SOX5: variants seen among roughly 807,000 people sequenced by gnomAD.
The protein encoded by SOX5 is SRY-box transcription factor 5, also known as transcription factor SOX-5.
Under a neutral mutation model 92.0 loss-of-function variants are expected in SOX5, and 9 were observed. The observed-to-expected ratio is 0.10, with a 90% CI of 0.06 to 0.17. The LOEUF is 0.17. SOX5 is among the 10% of genes least tolerant of loss of function. The probability of loss-of-function intolerance (pLI) is 1.00; values close to 1 mark genes in which losing one functional copy is unlikely to be tolerated. For synonymous variants in SOX5, 344 were observed against 336.3 expected (o/e 1.02, Z -0.25); for missense variants, 642 against 944.5 (o/e 0.68, Z 4.20).
intron 4 of SOX5, among the ~76,000 whole-genome samples, chr12:24,112,591 C>T (rs1947499969): frequency 7.6e-6 from 1 of 132,322 alleles, no homozygotes; most frequent in South Asian, 2.5e-4. Flanking sequence ...AATGCAGTGG[C>T]ATAATCACGG....
intron 9 of SOX5, among the ~76,000 whole-genome samples, chr12:23,581,921 AT>A (rs1375885211): frequency 1.3e-5 from 2 of 151,928 alleles, no homozygotes; most frequent in South Asian, 4.2e-4. Context: ...TATAAATAAA[AT>A]TTCAGGCTTC....
At chr12:23,663,554 G>A (rs1031065045) in intron 7 of SOX5, among the ~76,000 whole-genome samples, 1 of 151,922 alleles carries the variant, frequency 6.6e-6, no homozygotes, top group Non-Finnish European at 1.5e-5. Flanking sequence ...AAACTTTTTT[G>A]TTTTATTGAA....
At chr12:23,881,816 TAA>T (rs1045506934) in intron 2 of SOX5, among the ~76,000 whole-genome samples, 1 of 152,126 alleles carries the variant, frequency 6.6e-6, no homozygotes, top group Admixed American at 6.5e-5. Flanking sequence ...TTTGGATTTT[TAA>T]AAGTGTCATC....
At chr12:24,003,985 T>C (rs944745611) in intron 4 of SOX5, among the ~76,000 whole-genome samples, 1 of 152,046 alleles carries the variant, frequency 6.6e-6, no homozygotes, top group Non-Finnish European at 1.5e-5. Context: ...AATCCTACCA[T>C]CAACCCTTAC....
chr12:23,921,468 G>A (rs954421401), intron 1 of SOX5, among the ~76,000 whole-genome samples: 3 of 151,954 alleles, frequency 2.0e-5, no homozygotes, highest in Non-Finnish European at 4.4e-5. Context: ...GTATTCCAAT[G>A]TTGGGGTCTC....
At chr12:24,522,415 T>A (rs964341740) in intron 1 of SOX5, among the ~76,000 whole-genome samples, 6 of 152,106 alleles carry the variant, frequency 3.9e-5, no homozygotes, top group African/African-American at 1.2e-4. Context: ...ATATAATTTA[T>A]TTCATAAGGC....
intron 6 of SOX5, among the ~76,000 whole-genome samples, chr12:23,669,584 G>C (rs2084407025): frequency 6.6e-6 from 1 of 151,632 alleles, no homozygotes; most frequent in African/African-American, 2.4e-5. Context: ...AGACCAAGTG[G>C]GAAGTTAATA....
intron 1 of SOX5, among the ~76,000 whole-genome samples, chr12:24,497,050 C>G (rs1001715834): frequency 2.0e-5 from 3 of 152,168 alleles, no homozygotes; most frequent in Non-Finnish European, 4.4e-5. Flanking sequence ...AACAAAGACA[C>G]TGAATGATGA....
At chr12:23,672,365 C>A (rs550143504) in intron 6 of SOX5, among the ~76,000 whole-genome samples, 4 of 152,270 alleles carry the variant, frequency 2.6e-5, no homozygotes, top group Admixed American at 2.6e-4. Flanking sequence ...AACAGACCTA[C>A]AAGGAAAATT....
chr12:23,919,967 T>A (rs182383491), intron 1 of SOX5: 1 of 152,316 alleles, frequency 6.6e-6, no homozygotes, highest in Admixed American at 6.5e-5. Flanking sequence ...TTTATTATAT[T>A]TGACACTGAA....
intron 3 of SOX5, among the ~76,000 whole-genome samples, chr12:23,769,290 G>T (rs2094844052): frequency 6.6e-6 from 1 of 151,728 alleles, no homozygotes; most frequent in Non-Finnish European, 1.5e-5. Context: ...ACATATTTTG[G>T]CCTTTCTGTT....
intron 1 of SOX5, among the ~76,000 whole-genome samples, chr12:23,916,028 T>C (rs1275308094): frequency 1.3e-5 from 2 of 152,094 alleles, no homozygotes; most frequent in African/African-American, 4.8e-5. Flanking sequence ...CTGAGGACCA[T>C]GAGGTTAAAC....
intron 2 of SOX5, among the ~76,000 whole-genome samples, chr12:23,879,615 G>T (rs2096965296): frequency 6.6e-6 from 1 of 152,172 alleles, no homozygotes; most frequent in Admixed American, 6.6e-5. Flanking sequence ...TTAAATTAAT[G>T]TATGTTTTCT....
intron 1 of SOX5, among the ~76,000 whole-genome samples, chr12:24,519,212 A>C (rs1950059456): frequency 6.6e-6 from 1 of 152,008 alleles, no homozygotes; most frequent in Non-Finnish European, 1.5e-5. Context: ...TCATTCATTC[A>C]CTCAAAAATA....
intron 6 of SOX5, among the ~76,000 whole-genome samples, chr12:23,719,852 A>G (rs1045515364): frequency 6.7e-6 from 1 of 150,234 alleles, no homozygotes; most frequent in African/African-American, 2.4e-5. Context: ...ATTTCTCCTA[A>G]ATTCTCAGAG....
At chr12:24,440,594 TTGTGTGTGTGTGTGTGTGTGTGTGTG>T (rs56082162) in intron 1 of SOX5, among the ~76,000 whole-genome samples, 1 of 139,632 alleles carries the variant, frequency 7.2e-6, no homozygotes, top group Non-Finnish European at 1.5e-5. Context: ...ACATGATCCT[TTGTGTGTGTGTGTGTGTGTGTGTGTG>T]TGTGTGTGTG....
intron 4 of SOX5, among the ~76,000 whole-genome samples, chr12:23,987,503 T>C (rs1207421810): frequency 1.3e-5 from 2 of 151,988 alleles, no homozygotes; most frequent in Non-Finnish European, 1.5e-5. Flanking sequence ...CACAACTCCA[T>C]CATGAAGAGC....
chr12:24,375,671 T>G (rs1488846927), intron 1 of SOX5, among the ~76,000 whole-genome samples: 2 of 149,300 alleles, frequency 1.3e-5, no homozygotes, highest in Non-Finnish European at 3.0e-5. Flanking sequence ...AGGAGGTGGA[T>G]GTTGCAGTGA....
At chr12:23,890,691 A>C (rs566376488) in intron 2 of SOX5, among the ~76,000 whole-genome samples, 51 of 152,252 alleles carry the variant, frequency 3.3e-4, no homozygotes, top group African/African-American at 1.2e-3. Flanking sequence ...CATTCTGGAG[A>C]GTCCTTTCCA....
Sources: gnomAD v4.1 joint callset for allele counts (sites outside exome capture counted in the v4.1 genomes callset) on GRCh38, gnomAD v4.1.1 for gene constraint, MANE v1.5 for transcripts, NCBI Gene and HGNC (gene_info 2026-07-23, HGNC 2026-07-21) for gene names.